Variants in ZSCAN10 observed in about 807,000 individuals in gnomAD.
The protein encoded by ZSCAN10 is zinc finger and SCAN domain-containing protein 10.
In ZSCAN10, 52 loss-of-function variants were observed where a neutral mutation model predicts 63.7. That is an observed-to-expected ratio of 0.82 (90% CI 0.65 to 1.03). ZSCAN10 has a LOEUF of 1.03. Among genes scored for constraint, ZSCAN10 ranks in the 50% least tolerant of loss-of-function variants. The pLI is 0.00. For synonymous variants in ZSCAN10, 544 were observed against 479.6 expected (o/e 1.13, Z -1.76); for missense variants, 1,223 against 1,103.8 (o/e 1.11, Z -1.53).
intron 1 of ZSCAN10, among the ~76,000 whole-genome samples, chr16:3,097,303 C>G (rs954933057): frequency 6.6e-6 from 1 of 152,044 alleles, no homozygotes; most frequent in South Asian, 2.1e-4. Context: ...GAACATGACC[C>G]ATCTCTCCCA....
Position 3,091,967 on chromosome 16 carries a change from G to A in ZSCAN10, c.664+82C>T, listed in dbSNP as rs546270126. ...TCTCCTGTCCTGGTCACCTGGGGAGGCCCCACTTCTCACCCCACCCCAGAC... is the reference window on the plus strand; with the variant it reads ...TCTCCTGTCCTGGTCACCTGGGGAGACCCCACTTCTCACCCCACCCCAGAC... On this transcript the variant is annotated intron_variant, in intron 3 of 5. Transcript: ENST00000576985. The A allele has an allele frequency of 1.1e-5, 18 of 1,567,268 alleles. 1 individual carries two copies. Among genetic ancestry groups the A allele is most frequent in the Non-Finnish European group, 1.6e-5 (18 of 1,154,880 alleles).
rs1957103223 is a variant in ZSCAN10, at chr16:3,092,805, G to T, written c.133C>A (p.Gln45Lys). Reference sequence around the variant, plus strand: ...TGATACTGGAAGCATCTGAACAGCTGGTGAGCCACCTCGGGCCTCAGCCTG... The same window carrying T: ...TGATACTGGAAGCATCTGAACAGCTTGTGAGCCACCTCGGGCCTCAGCCTG... Reference protein sequence around the residue: ...ESRLRPEVAHQLFRCFQYQED... With the variant: ...ESRLRPEVAHKLFRCFQYQED... Residue 45 changes from glutamine to lysine, a missense_variant, in exon 2 of 6, where the codon CAG (glutamine) becomes AAG (lysine). Gln to Lys is a moderately conservative substitution (Grantham distance 53, BLOSUM62 1). Coordinates refer to ENST00000576985, the MANE Select transcript of ZSCAN10 (RefSeq NM_032805.3). 6.4e-7 allele frequency: 1 copy of T among 1,554,860 alleles called. No individual in the cohort carries two copies. The highest frequency in any genetic ancestry group is 2.4e-5 in the East Asian group (1 of 42,460).
chr16:3,092,088 G>C lies in ZSCAN10; in HGVS notation c.625C>G (p.Pro209Ala), dbSNP rs1410866990. ...GCCTGGAATGTCTTCTGGGGCCCCG[G>C]GCTCAGCGGCTGCTTTGAACTTGGG... ...LPPSSKQPLS[P>A]GPQKTFQALQ... The change falls in exon 3 of 6, where the codon CCG becomes GCG. Residue 209 changes from proline to alanine, a missense_variant. Transcript: ENST00000576985. The C allele has an allele frequency of 6.3e-6, 10 of 1,592,774 alleles. No homozygotes were observed. The highest frequency in any genetic ancestry group is 8.6e-6 in the Non-Finnish European group (10 of 1,168,394).
rs185517837 is a variant in ZSCAN10, at chr16:3,092,233, G to A, written c.480C>T (p.Ser160=). The A allele has an allele frequency of 4.0e-5, 64 of 1,612,764 alleles. No individual in the cohort carries two copies. The Admixed American group carries it at 1.0e-3, about 26-fold the overall frequency. The part of the protein sequence containing the change: ...EEKGCASQVP[S]HSPKKELPAE... ...CAGGCAATTCCTTCTTGGGGCTGTG[G>A]CTGGGGACCTGGGAAGCACACCCCT... Residue 160 remains serine, a synonymous_variant, in exon 3 of 6, where the codon AGC becomes AGT. Coordinates refer to ENST00000576985, the MANE Select transcript of ZSCAN10 (RefSeq NM_032805.3).
In ZSCAN10 at chr16:3,089,620, G is replaced by C. The variant is rs1485020244; in HGVS notation, c.1814C>G (p.Pro605Arg). Residue 605 changes from proline (P) to arginine (R), a missense_variant, in exon 6 of 6, where the codon CCC (proline) becomes CGC (arginine). Pro to Arg is a moderately radical substitution (Grantham distance 103). Transcript: ENST00000576985. Reference sequence around the variant, plus strand: ...CTTCCCGCACTGGGTGCAGTGGTGGGGCCGAGGGCCACCGTGGGTCAGCAG... The same window carrying C: ...CTTCCCGCACTGGGTGCAGTGGTGGCGCCGAGGGCCACCGTGGGTCAGCAG... The part of the protein sequence containing the change: ...RHLLTHGGPR[P>R]HHCTQCGKSF... The C allele has an allele frequency of 1.3e-6, 2 of 1,585,032 alleles. No individual in the cohort carries two copies. The highest frequency in any genetic ancestry group is 1.7e-6 in the Non-Finnish European group (2 of 1,165,638).
At chr16:3,095,149 C>G (rs567505692) in intron 1 of ZSCAN10, among the ~76,000 whole-genome samples, 1 of 151,058 alleles carries the variant, frequency 6.6e-6, no homozygotes, top group South Asian at 2.1e-4. Flanking sequence ...GAGGCTGAGG[C>G]AGGAGGATCA....
intron 1 of ZSCAN10, among the ~76,000 whole-genome samples, chr16:3,094,504 T>C (rs947390710): frequency 2.6e-5 from 4 of 152,146 alleles, no homozygotes; most frequent in Admixed American, 2.6e-4. Context: ...CGCCACCGCA[T>C]GCCGCTAATT....
Position 3,098,571 on chromosome 16 carries a change from A to T in ZSCAN10, c.-68+619T>A, listed in dbSNP as rs370686725. 1.6e-4 allele frequency among the ~76,000 whole-genome samples: 24 copies of T among 152,316 alleles called. No individual in the cohort carries two copies. In the South Asian group the frequency reaches 4.1e-3, roughly 26 times the overall value. ...GGTGAGATCTCTCCAAAAGGTTTCA[A>T]AGAGGTGGAATTCGAGACAAGTTGG... On this transcript the variant is annotated intron_variant, in intron 1 of 5. Transcript: ENST00000576985.
Position 3,089,814 on chromosome 16 carries a change from G to T in ZSCAN10, c.1620C>A (p.His540Gln), listed in dbSNP as rs1354445519. 6.3e-7 allele frequency: 1 copy of T among 1,577,758 alleles called. No individual in the cohort carries two copies. The highest frequency in any genetic ancestry group is 8.6e-7 in the Non-Finnish European group (1 of 1,168,954). Residue 540 changes from histidine to glutamine, a missense_variant, in exon 6 of 6, where the codon CAC becomes CAA. Coordinates refer to ENST00000576985, the MANE Select transcript of ZSCAN10 (RefSeq NM_032805.3). ...AFRRSEHLVA[H>Q]RRVHTGERPF... ...GCCGCTCGCCCGTGTGCACCCTCCG[G>T]TGGGCCACCAGGTGCTCGCTGCGCC...
chr16:3,092,974 G>A lies in ZSCAN10; in HGVS notation c.-37C>T, dbSNP rs927921276. ...GGGATGCCTCCCTAACGCCAGCCCC[G>A]CTCTTGGGTCTCTCTCCTCTCCTCC... On this transcript the variant is annotated 5_prime_UTR_variant, in exon 2 of 6. Transcript: ENST00000576985. 3.7e-4 allele frequency: 519 copies of A among 1,399,144 alleles called. 3 individuals carry two copies. Among genetic ancestry groups the A allele is most frequent in the Middle Eastern group, 2.6e-4 (1 of 3,788 alleles). The allele number at this position is 1,399,144 out of a possible 1,614,324, so 86.7% of individuals were successfully genotyped here. A position where few individuals can be genotyped will look rare whatever the true frequency, so the allele number is the denominator to read the frequency against.
intron 1 of ZSCAN10, among the ~76,000 whole-genome samples, chr16:3,094,335 C>T (rs566418813): frequency 6.6e-6 from 1 of 152,076 alleles, no homozygotes; most frequent in Non-Finnish European, 1.5e-5. Flanking sequence ...AATCTCAATC[C>T]AACCAGCCTT....
Position 3,089,038 on chromosome 16 carries a change from T to C in ZSCAN10, c.*53A>G. On this transcript the variant is annotated 3_prime_UTR_variant, in exon 6 of 6. Coordinates refer to ENST00000576985, the MANE Select transcript of ZSCAN10 (RefSeq NM_032805.3). Reference sequence around the variant, plus strand: ...GGGACATTCCTGCAGGCCTCCGCTGTGGAGGACCCCGGGTAGGTGGCGCAG... The same window carrying C: ...GGGACATTCCTGCAGGCCTCCGCTGCGGAGGACCCCGGGTAGGTGGCGCAG... 1 of 1,439,502 alleles carries C rather than the reference T, an allele frequency of 6.9e-7. No homozygotes were observed. 89.2% of individuals were successfully genotyped at this position (1,439,502 alleles called of 1,614,324 possible).
rs1354541866 is a variant in ZSCAN10 at position 3,090,343 on chromosome 16, G to A, written c.1091C>T (p.Ala364Val). 4 of 1,611,228 alleles carry A rather than the reference G, an allele frequency of 2.5e-6. No individual in the cohort carries two copies. The highest frequency in any genetic ancestry group is 2.5e-6 in the Non-Finnish European group (3 of 1,178,936). ...AGCCGGGTGCGAGCGCAGCTGGTGCGCCTTCAGGCGAGACAGCTGCGGGAA... is the reference window on the plus strand; with the variant it reads ...AGCCGGGTGCGAGCGCAGCTGGTGCACCTTCAGGCGAGACAGCTGCGGGAA... ...VSFPQLSRLKAHQLRSHPAGR... is the reference protein window; with the variant it reads ...VSFPQLSRLKVHQLRSHPAGR... Residue 364 changes from alanine (A) to valine (V), a missense_variant, in exon 6 of 6, where the codon GCG (alanine) becomes GTG (valine). Transcript: ENST00000576985.
Position 3,091,423 on chromosome 16 carries a change from C to G in ZSCAN10, c.787+117G>C. 3.5e-6 allele frequency: 4 copies of G among 1,130,468 alleles called. No homozygotes were observed. In the South Asian group the frequency reaches 5.3e-5, roughly 15 times the overall value. The allele number at this position is 1,130,468 out of a possible 1,614,324, so 70.0% of individuals were successfully genotyped here. ...CTTTGGGAGGCTGAGGTGGGAGGAT[C>G]ACTTGAGCCCAGGAGTGGAGACTAG... On this transcript the variant is annotated intron_variant, in intron 5 of 5. Transcript: ENST00000576985.
chr16:3,090,046 G>A lies in ZSCAN10; in HGVS notation c.1388C>T (p.Ala463Val), dbSNP rs1389559424. Reference protein sequence around the residue: ...AHAQDQKPPCAPESKAEAPPL... With the variant: ...AHAQDQKPPCVPESKAEAPPL... ...CGGCGCTTCGGCCTTACTCTCAGGA[G>A]CGCAGGGCGGCTTCTGGTCCTGGGC... The change falls in exon 6 of 6, where the codon GCT (alanine) becomes GTT (valine). Residue 463 changes from alanine (A) to valine (V), a missense_variant. Physicochemically the swap from Ala to Val is moderately conservative, Grantham distance 64. Transcript: ENST00000576985. 2 of 1,601,384 alleles carry A rather than the reference G, an allele frequency of 1.2e-6. No homozygotes were observed. Among genetic ancestry groups the A allele is most frequent in the Non-Finnish European group, 1.7e-6 (2 of 1,177,144 alleles).
rs149971053 is a variant in ZSCAN10, at chr16:3,092,165, C to T, written c.548G>A (p.Arg183Gln). ...SVLGPSDEPPRPQPRAAQPAE... is the reference protein window; with the variant it reads ...SVLGPSDEPPQPQPRAAQPAE... ...AGGCTGGGCAGCCCTTGGCTGGGGTCGGGGAGGCTCATCCGATGGGCCCAG... is the reference window on the plus strand; with the variant it reads ...AGGCTGGGCAGCCCTTGGCTGGGGTTGGGGAGGCTCATCCGATGGGCCCAG... Residue 183 changes from arginine (R) to glutamine (Q), a missense_variant, in exon 3 of 6, where the codon CGA becomes CAA. Arg to Gln is a conservative substitution (Grantham distance 43). Coordinates refer to ENST00000576985, the MANE Select transcript of ZSCAN10 (RefSeq NM_032805.3). The T allele has an allele frequency of 2.2e-5, 35 of 1,613,126 alleles. No homozygotes were observed. The highest frequency in any genetic ancestry group is 3.3e-4 in the Middle Eastern group (2 of 6,060).
Position 3,090,156 on chromosome 16 carries a change from G to C in ZSCAN10, c.1278C>G (p.His426Gln). 6.2e-7 allele frequency: 1 copy of C among 1,602,690 alleles called. No homozygotes were observed. The highest frequency in any genetic ancestry group is 1.1e-5 in the South Asian group (1 of 90,608). Residue 426 changes from histidine (H) to glutamine (Q), a missense_variant, in exon 6 of 6, where the codon CAC becomes CAG. By Grantham distance (24) the His-to-Gln change is conservative. Transcript: ENST00000576985. ...SSHLSKHLLT[H>Q]SSEPAFLCAE... is the part of the protein sequence containing the mutation. ...CGCACAGGAAGGCGGGTTCGGAGGAGTGGGTCAGCAGGTGCTTGCTCAGGT... is the reference window on the plus strand; with the variant it reads ...CGCACAGGAAGGCGGGTTCGGAGGACTGGGTCAGCAGGTGCTTGCTCAGGT...
In ZSCAN10 at chr16:3,092,232, G is replaced by C. The variant is rs775534652; in HGVS notation, c.481C>G (p.His161Asp). The C allele has an allele frequency of 6.2e-7, 1 of 1,612,808 alleles. No homozygotes were observed. Among genetic ancestry groups the C allele is most frequent in the Non-Finnish European group, 8.5e-7 (1 of 1,180,028 alleles). The change falls in exon 3 of 6, where the codon CAC (histidine) becomes GAC (aspartate). Residue 161 changes from histidine to aspartate, a missense_variant. By Grantham distance (81) the His-to-Asp change is moderately conservative. Coordinates refer to ENST00000576985, the MANE Select transcript of ZSCAN10 (RefSeq NM_032805.3). ...GCAGGCAATTCCTTCTTGGGGCTGT[G>C]GCTGGGGACCTGGGAAGCACACCCC... ...EKGCASQVPS[H>D]SPKKELPAEE...
In ZSCAN10 at chr16:3,092,034, G is replaced by A. The variant is rs1329354993; in HGVS notation, c.664+15C>T. 3 of 1,551,584 alleles carry A rather than the reference G, an allele frequency of 1.9e-6. No individual in the cohort carries two copies. In the South Asian group the frequency reaches 3.7e-5, roughly 19 times the overall value. Reference sequence around the variant, plus strand: ...GACACCCAGTCCTTGGCCTCCTAGGGCACAAGCTCCTCACTGCTTTCTTGC... The same window carrying A: ...GACACCCAGTCCTTGGCCTCCTAGGACACAAGCTCCTCACTGCTTTCTTGC... On this transcript the variant is annotated intron_variant, in intron 3 of 5. Coordinates refer to ENST00000576985, the MANE Select transcript of ZSCAN10 (RefSeq NM_032805.3).
Sources: gnomAD v4.1 joint callset for allele counts (sites outside exome capture counted in the v4.1 genomes callset) on GRCh38, gnomAD v4.1.1 for gene constraint, MANE v1.5 for transcripts, NCBI Gene and HGNC (gene_info 2026-07-23, HGNC 2026-07-21) for gene names.